NCAM2: variants seen among roughly 807,000 people sequenced by gnomAD.
NCAM2 encodes the protein neural cell adhesion molecule 2.
NCAM2 carries 30 observed loss-of-function variants against 98.1 expected under a neutral mutation model. That is an observed-to-expected ratio of 0.31 (90% CI 0.23 to 0.41). The LOEUF is 0.41. NCAM2 is among the 10% of genes least tolerant of loss of function. The pLI is 1.00. For missense variants in NCAM2, 867 were observed against 1,005.8 expected (o/e 0.86, Z 1.87); for synonymous variants, 368 against 342.4 (o/e 1.07, Z -0.83).
At chr21:21,332,160 G>A (rs1317651930) in intron 6 of NCAM2, among the ~76,000 whole-genome samples, 1 of 151,892 alleles carries the variant, frequency 6.6e-6, no homozygotes, top group Non-Finnish European at 1.5e-5. Context: ...TGCCCGCCTC[G>A]GCCTCCCAAA....
intron 1 of NCAM2, among the ~76,000 whole-genome samples, chr21:21,225,863 A>T (rs138492511): frequency 1.3e-5 from 2 of 152,194 alleles, no homozygotes; most frequent in Non-Finnish European, 2.9e-5. Context: ...TACCAAAAAG[A>T]AACCTGCATT....
chr21:21,412,368 C>A (rs1329379306), intron 10 of NCAM2, among the ~76,000 whole-genome samples: 3 of 152,168 alleles, frequency 2.0e-5, no homozygotes, highest in Non-Finnish European at 4.4e-5. Context: ...TTCATTCACA[C>A]CGGAATTTAG....
intron 1 of NCAM2, among the ~76,000 whole-genome samples, chr21:21,095,202 A>G (rs1285633639): frequency 3.3e-5 from 5 of 151,734 alleles, no homozygotes; most frequent in African/African-American, 9.7e-5. Flanking sequence ...GATTCCTTCA[A>G]TGCATATGTG....
chr21:21,395,414 A>G (rs1602210183), intron 9 of NCAM2, among the ~76,000 whole-genome samples: 1 of 152,202 alleles, frequency 6.6e-6, no homozygotes. Context: ...AATGAAATAT[A>G]TCAAAGGTGG....
At chr21:21,405,771 T>A (rs1037172408) in intron 9 of NCAM2, among the ~76,000 whole-genome samples, 1 of 152,142 alleles carries the variant, frequency 6.6e-6, no homozygotes, top group Non-Finnish European at 1.5e-5. Flanking sequence ...GCAACAAATT[T>A]TCTACACTAG....
chr21:21,226,316 A>G (rs2070381399), intron 1 of NCAM2, among the ~76,000 whole-genome samples: 3 of 152,098 alleles, frequency 2.0e-5, no homozygotes, highest in South Asian at 4.1e-4. Context: ...ATTAAAATAA[A>G]TAAAAAATAA....
chr21:21,080,700 C>G (rs1447806025), intron 1 of NCAM2, among the ~76,000 whole-genome samples: 5 of 148,406 alleles, frequency 3.4e-5, no homozygotes, highest in Admixed American at 6.7e-5. Flanking sequence ...ATTCATACCC[C>G]TAACATTTAT....
At chr21:21,003,740 A>G (rs947665168) in intron 1 of NCAM2, among the ~76,000 whole-genome samples, 1 of 152,182 alleles carries the variant, frequency 6.6e-6, no homozygotes, top group African/African-American at 2.4e-5. Context: ...TACTTAAGTT[A>G]TTGATAAGGG....
chr21:21,318,723 T>G (rs1480180517), intron 5 of NCAM2, among the ~76,000 whole-genome samples: 1 of 152,186 alleles, frequency 6.6e-6, no homozygotes, highest in Non-Finnish European at 1.5e-5. Context: ...AATATAGAAT[T>G]TATTATGTAA....
intron 1 of NCAM2, among the ~76,000 whole-genome samples, chr21:21,109,318 C>A (rs1051385529): frequency 2.6e-5 from 4 of 151,984 alleles, no homozygotes; most frequent in African/African-American, 9.7e-5. Context: ...GTTTTATATG[C>A]ACATCTTATA....
At chr21:21,162,418 C>G (rs972511501) in intron 1 of NCAM2, among the ~76,000 whole-genome samples, 1 of 152,030 alleles carries the variant, frequency 6.6e-6, no homozygotes, top group Non-Finnish European at 1.5e-5. Context: ...TTTGCTGATT[C>G]ACCAGGTTGT....
intron 15 of NCAM2, among the ~76,000 whole-genome samples, chr21:21,478,792 T>C (rs1985486634): frequency 6.6e-6 from 1 of 152,184 alleles, no homozygotes; most frequent in Admixed American, 6.5e-5. Flanking sequence ...TAAGGAAGCA[T>C]TATTCTCATT....
chr21:21,509,748 T>C (rs1403086538), intron 16 of NCAM2, among the ~76,000 whole-genome samples: 1 of 152,186 alleles, frequency 6.6e-6, no homozygotes, highest in Non-Finnish European at 1.5e-5. Flanking sequence ...CATTTTGTTT[T>C]ATTGTGTTTG....
chr21:21,173,733 G>A (rs890069305), intron 1 of NCAM2, among the ~76,000 whole-genome samples: 4 of 152,028 alleles, frequency 2.6e-5, no homozygotes, highest in African/African-American at 9.7e-5. Context: ...ATAACGATTA[G>A]CATGCTTAGA....
intron 8 of NCAM2, among the ~76,000 whole-genome samples, chr21:21,354,368 C>A (rs2075416468): frequency 6.6e-6 from 1 of 152,122 alleles, no homozygotes. Flanking sequence ...TATTCATGTG[C>A]TGCCTGAACT....
chr21:21,259,215 AG>A (rs2071795624), intron 1 of NCAM2, among the ~76,000 whole-genome samples: 1 of 152,160 alleles, frequency 6.6e-6, no homozygotes, highest in Admixed American at 6.5e-5. Flanking sequence ...CCAGCAACAG[AG>A]GACAGACAAG....
intron 1 of NCAM2, among the ~76,000 whole-genome samples, chr21:21,039,945 A>C (rs1024714920): frequency 3.3e-5 from 5 of 152,176 alleles, no homozygotes; most frequent in African/African-American, 9.6e-5. Flanking sequence ...ACAGCTTCCC[A>C]GAGAGGGGAC....
At chr21:21,465,971 C>G (rs1002304046) in intron 12 of NCAM2, among the ~76,000 whole-genome samples, 2 of 151,974 alleles carry the variant, frequency 1.3e-5, no homozygotes, top group Non-Finnish European at 2.9e-5. Context: ...TTCCTTGTGC[C>G]TTTTCATATT....
chr21:21,420,477 A>G (rs1002100046), intron 11 of NCAM2, among the ~76,000 whole-genome samples: 2 of 152,082 alleles, frequency 1.3e-5, no homozygotes, highest in African/African-American at 4.8e-5. Context: ...ATATCAGAAA[A>G]TTATTGTAAT....
Sources: gnomAD v4.1 joint callset for allele counts (sites outside exome capture counted in the v4.1 genomes callset) on GRCh38, gnomAD v4.1.1 for gene constraint, MANE v1.5 for transcripts, NCBI Gene and HGNC (gene_info 2026-07-23, HGNC 2026-07-21) for gene names.